Variants in RBFOX1 observed in about 807,000 individuals in gnomAD.
The protein encoded by RBFOX1 is RNA binding protein fox-1 homolog 1.
A neutral mutation model predicts 57.7 loss-of-function variants in RBFOX1; 8 were observed. That is an observed-to-expected ratio of 0.14 (90% CI 0.08 to 0.25). The LOEUF (loss-of-function observed/expected upper bound fraction) is 0.25, where lower values mean the gene tolerates loss of function less well. RBFOX1 is among the 10% of genes least tolerant of loss of function. The pLI is 1.00. For missense variants in RBFOX1, 611 were observed against 548.5 expected (o/e 1.11, Z -1.14); for synonymous variants, 326 against 222.4 (o/e 1.47, Z -4.15).
At chr16:5,596,707 G>C (rs4786729) in intron 2 of RBFOX1, among the ~76,000 whole-genome samples, 49,656 of 152,152 alleles carry the variant, frequency 0.33, 9,024 homozygotes, top group East Asian at 0.8. Flanking sequence ...CATCTATAAA[G>C]TGGGACTGAA....
At chr16:6,993,931 C>G (rs1011490852) in intron 3 of RBFOX1, among the ~76,000 whole-genome samples, 2 of 152,070 alleles carry the variant, frequency 1.3e-5, no homozygotes, top group Admixed American at 1.3e-4. Flanking sequence ...CCAATAAGTG[C>G]CTAAATGATT....
intron 3 of RBFOX1, among the ~76,000 whole-genome samples, chr16:6,867,796 C>G (rs1163213923): frequency 1.3e-5 from 2 of 152,198 alleles, no homozygotes; most frequent in Non-Finnish European, 2.9e-5. Context: ...TTGCTCAGAA[C>G]AAGTCCTGTT....
At chr16:6,016,307 T>C (rs1443668911), upstream of RBFOX1, among the ~76,000 whole-genome samples, 4 of 152,110 alleles carry the variant, frequency 2.6e-5, no homozygotes, top group Non-Finnish European at 4.4e-5. Flanking sequence ...GAAAGTGATA[T>C]TGAAATGGAG....
intron 2 of RBFOX1, chr16:6,483,478 A>G: frequency 1.3e-6 from 2 of 1,535,650 alleles, no homozygotes; most frequent in South Asian, 2.4e-5. Flanking sequence ...GTGAGGAAAC[A>G]GGAGGCACTT....
chr16:6,379,194 G>A (rs576210921), intron 2 of RBFOX1, among the ~76,000 whole-genome samples: 1 of 152,240 alleles, frequency 6.6e-6, no homozygotes, highest in South Asian at 2.1e-4. Flanking sequence ...TTGGGCCCCT[G>A]TAGAAGACCC....
chr16:6,865,742 A>G lies in RBFOX1; in HGVS notation c.-15-186315A>G, dbSNP rs531140726. 1.4e-4 allele frequency among the ~76,000 whole-genome samples: 22 copies of G among 152,236 alleles called. No homozygotes were observed. In the East Asian group the frequency reaches 3.9e-3, roughly 27 times the overall value. On this transcript the variant is annotated intron_variant, in intron 3 of 15. Coordinates refer to ENST00000550418, the MANE Select transcript of RBFOX1 (RefSeq NM_018723.4). ...CTCATTTGCTATTTTATCACCTTTC[A>G]CAAATAGGTTTATTTGTTGTTATTT...
In RBFOX1 at chr16:5,252,359, G is replaced by A. The variant is rs376643824; in HGVS notation, c.219+12254G>A. 8.5e-5 allele frequency among the ~76,000 whole-genome samples: 13 copies of A among 152,270 alleles called. No homozygotes were observed. The East Asian group carries it at 2.3e-3, about 27-fold the overall frequency. ...GGCAAGTATATCCCATGCAATATTT[G>A]GGACCTACTTACCCTAAAAAATGAT... On this transcript the variant is annotated intron_variant, in intron 1 of 2. Coordinates refer to the RBFOX1 transcript ENST00000585867.
At chr16:7,595,987 G>A (rs780322302) in intron 8 of RBFOX1, among the ~76,000 whole-genome samples, 3 of 151,466 alleles carry the variant, frequency 2.0e-5, no homozygotes, top group East Asian at 3.9e-4. Context: ...ACAAAATACA[G>A]AACAGTTTCT....
chr16:6,855,103 T>C (rs773876618), intron 3 of RBFOX1, among the ~76,000 whole-genome samples: 17 of 152,124 alleles, frequency 1.1e-4, no homozygotes, highest in Non-Finnish European at 2.2e-4. Context: ...AAGGATGCTA[T>C]GTAGGGAGTT....
At chr16:6,256,155 A>G (rs7188254) in intron 1 of RBFOX1, among the ~76,000 whole-genome samples, 1,696 of 36,844 alleles carry the variant, frequency 0.046, 218 homozygotes, top group African/African-American at 0.21. Flanking sequence ...ATATATATAT[A>G]TATGTATATA....
chr16:6,607,132 ACT>A (rs1217504233), intron 2 of RBFOX1, among the ~76,000 whole-genome samples: 2 of 152,230 alleles, frequency 1.3e-5, no homozygotes, highest in Non-Finnish European at 2.9e-5. Flanking sequence ...GGAAGTCAGC[ACT>A]CTGCATTTTA....
At chr16:7,190,411 TTTG>T (rs2085081696) in intron 4 of RBFOX1, among the ~76,000 whole-genome samples, 1 of 152,204 alleles carries the variant, frequency 6.6e-6, no homozygotes, top group Non-Finnish European at 1.5e-5. Context: ...CCTCATTGTT[TTTG>T]TTGTCAGCCT....
At chr16:7,493,729 CT>C (rs1461908528) in intron 4 of RBFOX1, among the ~76,000 whole-genome samples, 3 of 152,210 alleles carry the variant, frequency 2.0e-5, no homozygotes, top group Non-Finnish European at 2.9e-5. Context: ...CTCTCAGAGC[CT>C]CCAGAGCCCT....
intron 2 of RBFOX1, among the ~76,000 whole-genome samples, chr16:6,579,561 C>G (rs145553831): frequency 2.6e-5 from 4 of 152,264 alleles, no homozygotes; most frequent in South Asian, 2.1e-4. Flanking sequence ...CTCCTTTGCT[C>G]TGCACTTTTC....
chr16:5,606,022 C>T (rs2047565508), intron 3 of RBFOX1, among the ~76,000 whole-genome samples: 2 of 152,134 alleles, frequency 1.3e-5, no homozygotes, highest in African/African-American at 4.8e-5. Flanking sequence ...TTGGCATTTT[C>T]CTGTCTTACT....
rs988163960 is a variant in RBFOX1, at chr16:5,270,543, A to G, written c.219+30438A>G. 7 of 608,460 alleles carry G rather than the reference A, an allele frequency of 1.2e-5. No homozygotes were observed. In the African/African-American group the frequency reaches 1.3e-4, roughly 11 times the overall value. The allele number at this position is 608,460 out of a possible 1,614,324, so 37.7% of individuals were successfully genotyped here. A position where few individuals can be genotyped will look rare whatever the true frequency, so the allele number is the denominator to read the frequency against. ...AAATGTTCAACAATGATTGAAACTCATGTTGATGTGAAGACTACCGATGGT... is the reference window on the plus strand; with the variant it reads ...AAATGTTCAACAATGATTGAAACTCGTGTTGATGTGAAGACTACCGATGGT... On this transcript the variant is annotated intron_variant, in intron 1 of 2. Coordinates refer to the RBFOX1 transcript ENST00000585867.
intron 4 of RBFOX1, among the ~76,000 whole-genome samples, chr16:7,202,243 G>C (rs1214953736): frequency 6.9e-6 from 1 of 144,518 alleles, no homozygotes; most frequent in Non-Finnish European, 1.5e-5. Flanking sequence ...TTAGAGAAAA[G>C]ACAAATAAAA....
intron 2 of RBFOX1, among the ~76,000 whole-genome samples, chr16:6,455,055 T>C (rs34803600): frequency 0.04 from 5,873 of 146,572 alleles, 191 homozygotes; most frequent in Middle Eastern, 0.089. Context: ...GCTAATTTTT[T>C]TTTTTTTTTT....
rs181013369 is a variant in RBFOX1, at chr16:5,577,085, C to G, written c.259-21817C>G. On this transcript the variant is annotated intron_variant, in intron 2 of 2. Coordinates refer to the RBFOX1 transcript ENST00000585867. ...CAGATTGTCTAATGCAGGATACTGT[C>G]AGGACATTTTCCAAGTTGGTCTCTC... 7.2e-5 allele frequency among the ~76,000 whole-genome samples: 11 copies of G among 152,364 alleles called. 1 individual carries two copies. Among genetic ancestry groups the G allele is most frequent in the African/African-American group, 2.6e-4 (11 of 41,590 alleles).
Sources: gnomAD v4.1 joint callset for allele counts (sites outside exome capture counted in the v4.1 genomes callset) on GRCh38, gnomAD v4.1.1 for gene constraint, MANE v1.5 for transcripts, NCBI Gene and HGNC (gene_info 2026-07-23, HGNC 2026-07-21) for gene names.